The following MDFIC2 variants were observed in gnomAD, a reference collection of about 807,000 sequenced individuals.
The protein encoded by MDFIC2 is myoD family inhibitor domain-containing protein 2.
chr3:70,239,430 G>T (rs1701643568), intron 2 of MDFIC2, among the ~76,000 whole-genome samples: 2 of 152,258 alleles, frequency 1.3e-5, no homozygotes, highest in South Asian at 4.1e-4. Context: ...GATTGACTCT[G>T]TTCCCAAAGA....
At chr3:70,228,101 A>G (rs1223736361) in intron 2 of MDFIC2, among the ~76,000 whole-genome samples, 1 of 152,006 alleles carries the variant, frequency 6.6e-6, no homozygotes, top group Non-Finnish European at 1.5e-5. Context: ...TTAAAATAAC[A>G]TGTACTAAAT....
intron 2 of MDFIC2, among the ~76,000 whole-genome samples, chr3:70,293,125 T>C (rs1353987233): frequency 6.7e-6 from 1 of 150,042 alleles, no homozygotes; most frequent in African/African-American, 2.4e-5. Context: ...CAACTGCTGC[T>C]CTCCCTCCAG....
chr3:70,215,722 A>G (rs140421290), intron 2 of MDFIC2, among the ~76,000 whole-genome samples: 5 of 152,246 alleles, frequency 3.3e-5, no homozygotes, highest in Admixed American at 1.3e-4. Flanking sequence ...TACATAAGCC[A>G]TTCAGCTCAA....
At chr3:70,242,619 TC>T (rs1292192853) in intron 2 of MDFIC2, among the ~76,000 whole-genome samples, 1 of 152,242 alleles carries the variant, frequency 6.6e-6, no homozygotes, top group Non-Finnish European at 1.5e-5. Flanking sequence ...TTAAATGGTT[TC>T]CATTTTAACT....
chr3:70,293,502 G>A (rs1559556382), intron 2 of MDFIC2, among the ~76,000 whole-genome samples: 1 of 151,972 alleles, frequency 6.6e-6, no homozygotes, highest in Non-Finnish European at 1.5e-5. Flanking sequence ...TCCTACTATT[G>A]TGATGTTGCC....
In MDFIC2 at chr3:70,213,135, T is replaced by G. The variant is rs540308682; in HGVS notation, c.89-6345A>C. 4.6e-5 allele frequency among the ~76,000 whole-genome samples: 7 copies of G among 152,054 alleles called. 1 individual carries two copies. The South Asian group carries it at 1.5e-3, about 32-fold the overall frequency. ...TCATTCTCTCTCCCTCCTCTGTCTC[T>G]CTTTATTTTGTTTTTCTTTATAGAG... is the stretch of plus-strand genomic sequence containing the variant. On this transcript the variant is annotated intron_variant, in intron 2 of 3. Coordinates refer to ENST00000567252, the MANE Select transcript of MDFIC2 (RefSeq NM_001364677.1).
rs1283103526 is a variant in MDFIC2 at position 70,196,995 on chromosome 3, A to G, written c.501T>C (p.Phe167=). The change falls in exon 4 of 4, where the codon TTT becomes TTC. Residue 167 remains phenylalanine (F), a synonymous_variant. Transcript: ENST00000567252. ...SCNCDMDCSL[F]ESCHETSECL... is the part of the protein sequence containing the mutation. ...ACTCGCTGGTCTCATGGCAAGATTC[A>G]AAAAGGCTGCAGTCCATGTCACAAT... 4 of 398,478 alleles carry G rather than the reference A, an allele frequency of 1.0e-5. No individual in the cohort carries two copies. The highest frequency in any genetic ancestry group is 1.3e-4 in the South Asian group (1 of 7,860). The allele number at this position is 398,478 out of a possible 1,614,324, so 24.7% of individuals were successfully genotyped here. A position where few individuals can be genotyped will look rare whatever the true frequency, so the allele number is the denominator to read the frequency against.
At chr3:70,227,019 A>C (rs1403379947) in intron 2 of MDFIC2, among the ~76,000 whole-genome samples, 1 of 152,164 alleles carries the variant, frequency 6.6e-6, no homozygotes, top group Non-Finnish European at 1.5e-5. Flanking sequence ...GAAAAAATAC[A>C]TGCATCTTTT....
intron 2 of MDFIC2, among the ~76,000 whole-genome samples, chr3:70,217,736 G>C (rs1264607061): frequency 6.6e-6 from 1 of 152,090 alleles, no homozygotes; most frequent in East Asian, 1.9e-4. Flanking sequence ...CATCCATTCT[G>C]TATTTATAAA....
chr3:70,234,273 G>A (rs1701588106), intron 2 of MDFIC2, among the ~76,000 whole-genome samples: 1 of 152,126 alleles, frequency 6.6e-6, no homozygotes, highest in Non-Finnish European at 1.5e-5. Context: ...AAGCTATTTA[G>A]TCAACTCATG....
chr3:70,241,888 G>A (rs1430246248), intron 2 of MDFIC2, among the ~76,000 whole-genome samples: 3 of 152,184 alleles, frequency 2.0e-5, no homozygotes, highest in African/African-American at 7.2e-5. Flanking sequence ...GGCTTAGAAC[G>A]AAGGTTTGCC....
chr3:70,211,244 C>T (rs1162554012), intron 2 of MDFIC2, among the ~76,000 whole-genome samples: 3 of 150,022 alleles, frequency 2.0e-5, no homozygotes, highest in African/African-American at 7.4e-5. Flanking sequence ...TTTTCCTTTT[C>T]CTTCCTTTCT....
intron 3 of MDFIC2, among the ~76,000 whole-genome samples, chr3:70,203,707 T>C (rs898870169): frequency 3.9e-5 from 6 of 152,200 alleles, no homozygotes; most frequent in African/African-American, 1.4e-4. Context: ...AAGACTATTC[T>C]TTTGAGGTAT....
At chr3:70,292,475 A>G (rs191493092) in intron 2 of MDFIC2, among the ~76,000 whole-genome samples, 6 of 152,152 alleles carry the variant, frequency 3.9e-5, no homozygotes, top group African/African-American at 7.2e-5. Flanking sequence ...AAATCAGGAA[A>G]CAATCGTAAA....
intron 2 of MDFIC2, among the ~76,000 whole-genome samples, chr3:70,279,234 A>G (rs915036817): frequency 6.6e-6 from 1 of 151,916 alleles, no homozygotes; most frequent in East Asian, 1.9e-4. Flanking sequence ...AGAACCCTGC[A>G]AAGTACATAT....
At chr3:70,283,124 C>G (rs1398390924) in intron 2 of MDFIC2, among the ~76,000 whole-genome samples, 2 of 152,120 alleles carry the variant, frequency 1.3e-5, no homozygotes, top group African/African-American at 4.8e-5. Context: ...CAAGAAAATG[C>G]ATTTATCTTG....
intron 2 of MDFIC2, among the ~76,000 whole-genome samples, chr3:70,277,743 G>A (rs924844817): frequency 6.6e-6 from 1 of 152,078 alleles, no homozygotes; most frequent in Non-Finnish European, 1.5e-5. Flanking sequence ...AAACAGGGAG[G>A]GGTGTGCTTG....
At chr3:70,236,289 A>C (rs1701608124) in intron 2 of MDFIC2, among the ~76,000 whole-genome samples, 1 of 152,206 alleles carries the variant, frequency 6.6e-6, no homozygotes, top group Admixed American at 6.5e-5. Context: ...TTGAGACTTT[A>C]AACTCCCTGC....
At chr3:70,197,413 C>T (rs1370802784) in intron 3 of MDFIC2, among the ~76,000 whole-genome samples, 5 of 152,154 alleles carry the variant, frequency 3.3e-5, no homozygotes, top group African/African-American at 1.2e-4. Context: ...ATTGATTCGA[C>T]ATAATCTGGT....
Sources: allele counts gnomAD v4.1 joint callset (sites outside exome capture counted in the v4.1 genomes callset), GRCh38; gene constraint gnomAD v4.1.1; transcripts MANE v1.5; gene names NCBI Gene and HGNC (gene_info 2026-07-23, HGNC 2026-07-21).